Variants in CHRM3 observed in about 807,000 individuals in gnomAD.
CHRM3 encodes the protein muscarinic acetylcholine receptor M3.
Under a neutral mutation model 41.8 loss-of-function variants are expected in CHRM3, and 11 were observed. That is an observed-to-expected ratio of 0.26 (90% confidence interval 0.17 to 0.44). CHRM3 has a LOEUF of 0.44. Among genes scored for constraint, CHRM3 ranks in the 20% least tolerant of loss-of-function variants. CHRM3 has a pLI of 1.00. For synonymous variants in CHRM3, 297 were observed against 301.4 expected (o/e 0.99, Z 0.15); for missense variants, 571 against 745.4 (o/e 0.77, Z 2.72).
intron 1 of CHRM3, among the ~76,000 whole-genome samples, chr1:239,482,245 T>C (rs1666905983): frequency 6.6e-6 from 1 of 152,140 alleles, no homozygotes; most frequent in Non-Finnish European, 1.5e-5. Context: ...GAACAAGCAT[T>C]TTCACACACT....
chr1:239,846,513 C>T (rs1268471185), intron 6 of CHRM3, among the ~76,000 whole-genome samples: 1 of 152,084 alleles, frequency 6.6e-6, no homozygotes, highest in Non-Finnish European at 1.5e-5. Context: ...CCACCTTTGC[C>T]AGGTTATGAG....
chr1:239,474,495 T>A (rs2147960682), intron 1 of CHRM3, among the ~76,000 whole-genome samples: 1 of 152,280 alleles, frequency 6.6e-6, no homozygotes, highest in South Asian at 2.1e-4. Context: ...TTTGTGTGTT[T>A]GCTAACTTGT....
intron 2 of CHRM3, among the ~76,000 whole-genome samples, chr1:239,541,007 C>T (rs1334833471): frequency 2.0e-5 from 3 of 152,098 alleles, no homozygotes; most frequent in African/African-American, 7.2e-5. Flanking sequence ...GATTTAAGAA[C>T]TCGGTGTACA....
intron 5 of CHRM3, among the ~76,000 whole-genome samples, chr1:239,695,853 T>G (rs1398827374): frequency 6.6e-6 from 1 of 152,190 alleles, no homozygotes; most frequent in Non-Finnish European, 1.5e-5. Flanking sequence ...TTTACTTGTT[T>G]GGGGAATACG....
intron 1 of CHRM3, among the ~76,000 whole-genome samples, chr1:239,445,172 G>T (rs1475099051): frequency 6.6e-6 from 1 of 152,200 alleles, no homozygotes; most frequent in Non-Finnish European, 1.5e-5. Flanking sequence ...GTCTAACTTG[G>T]CAGAGGAGAA....
At chr1:239,711,172 G>T (rs1010159159) in intron 5 of CHRM3, among the ~76,000 whole-genome samples, 3 of 152,094 alleles carry the variant, frequency 2.0e-5, no homozygotes, top group African/African-American at 4.8e-5. Context: ...TTGCCCATCT[G>T]CTTCTTCCAC....
intron 6 of CHRM3, among the ~76,000 whole-genome samples, chr1:239,905,263 G>A (rs1029494433): frequency 5.9e-5 from 9 of 152,192 alleles, no homozygotes; most frequent in African/African-American, 1.9e-4. Context: ...AGGCAGCACA[G>A]CCTCACAGTT....
At chr1:239,623,305 T>A (rs563613962) in intron 3 of CHRM3, among the ~76,000 whole-genome samples, 1 of 136,640 alleles carries the variant, frequency 7.3e-6, no homozygotes, top group South Asian at 2.6e-4. Context: ...ATGTTCCCCT[T>A]CCTGTGTCCA....
chr1:239,605,709 C>G (rs1666163538), intron 3 of CHRM3, among the ~76,000 whole-genome samples: 1 of 152,034 alleles, frequency 6.6e-6, no homozygotes, highest in Admixed American at 6.6e-5. Context: ...GAATTTTGAG[C>G]AAAAATCTCT....
intron 4 of CHRM3, among the ~76,000 whole-genome samples, chr1:239,635,228 C>A (rs963423176): frequency 2.0e-5 from 3 of 152,216 alleles, no homozygotes; most frequent in Non-Finnish European, 2.9e-5. Context: ...CATTCTGTCA[C>A]AGCCAGCGTC....
chr1:239,690,306 G>A (rs981458613), intron 5 of CHRM3, among the ~76,000 whole-genome samples: 9 of 151,998 alleles, frequency 5.9e-5, no homozygotes, highest in South Asian at 2.1e-4. Context: ...TGCAACCTCC[G>A]CCTCCCAGGT....
intron 1 of CHRM3, among the ~76,000 whole-genome samples, chr1:239,396,003 C>T (rs1303111466): frequency 6.6e-6 from 1 of 152,220 alleles, no homozygotes; most frequent in Non-Finnish European, 1.5e-5. Flanking sequence ...TCACCCTTCA[C>T]TTTACCCTGG....
chr1:239,424,589 A>G (rs1255675725), intron 1 of CHRM3, among the ~76,000 whole-genome samples: 1 of 152,228 alleles, frequency 6.6e-6, no homozygotes, highest in Non-Finnish European at 1.5e-5. Context: ...ATATAACAGT[A>G]AATACACATT....
chr1:239,790,669 G>T (rs562107518), intron 5 of CHRM3, among the ~76,000 whole-genome samples: 1 of 152,170 alleles, frequency 6.6e-6, no homozygotes, highest in Non-Finnish European at 1.5e-5. Flanking sequence ...CCCCTGTCTA[G>T]CCTGGCAATT....
At chr1:239,415,332 C>T (rs1183049181) in intron 1 of CHRM3, among the ~76,000 whole-genome samples, 1 of 151,984 alleles carries the variant, frequency 6.6e-6, no homozygotes, top group African/African-American at 2.4e-5. Flanking sequence ...CTCAGCTACT[C>T]GGGAGGCTGA....
chr1:239,494,773 C>T (rs1322735588), intron 2 of CHRM3, among the ~76,000 whole-genome samples: 1 of 152,072 alleles, frequency 6.6e-6, no homozygotes, highest in Non-Finnish European at 1.5e-5. Flanking sequence ...TGTTCAGCTC[C>T]CACTTACAAG....
At chr1:239,707,933 A>G (rs886978268) in intron 5 of CHRM3, among the ~76,000 whole-genome samples, 13 of 152,354 alleles carry the variant, frequency 8.5e-5, no homozygotes, top group African/African-American at 3.1e-4. Flanking sequence ...GATTAAATTC[A>G]TTTATGAATA....
At chr1:239,782,621 G>C (rs968002152) in intron 5 of CHRM3, among the ~76,000 whole-genome samples, 1 of 151,902 alleles carries the variant, frequency 6.6e-6, no homozygotes, top group Admixed American at 6.6e-5. Flanking sequence ...ATTGATTTCT[G>C]CTCCATTTAT....
chr1:239,792,716 G>A (rs684517), intron 5 of CHRM3, among the ~76,000 whole-genome samples: 149,586 of 152,322 alleles, frequency 0.98, 73,511 homozygotes, highest in East Asian at 1. Context: ...GTAAAGTTCA[G>A]AGTACCTGGT....
Sources: allele counts gnomAD v4.1 joint callset (sites outside exome capture counted in the v4.1 genomes callset), GRCh38; gene constraint gnomAD v4.1.1; transcripts MANE v1.5; gene names NCBI Gene and HGNC (gene_info 2026-07-23, HGNC 2026-07-21).